RBFOX1: variants seen among roughly 807,000 people sequenced by gnomAD.
RBFOX1 encodes the protein RNA binding protein fox-1 homolog 1.
A neutral mutation model predicts 57.7 loss-of-function variants in RBFOX1; 8 were observed. The ratio of observed to expected loss-of-function variants is 0.14; its 90% CI spans 0.08 to 0.25. The LOEUF (loss-of-function observed/expected upper bound fraction) is 0.25. RBFOX1 is among the 10% of genes least tolerant of loss of function. RBFOX1 has a pLI of 1.00. For missense variants in RBFOX1, 611 were observed against 548.5 expected (o/e 1.11, Z -1.14); for synonymous variants, 326 against 222.4 (o/e 1.47, Z -4.15).
intron 1 of RBFOX1, among the ~76,000 whole-genome samples, chr16:5,353,171 C>T (rs901282428): frequency 6.6e-6 from 1 of 151,922 alleles, no homozygotes; most frequent in African/African-American, 2.4e-5. Context: ...GTTAGGAGTT[C>T]AAGATCAGCC....
At chr16:5,403,899 G>T (rs1596882553) in intron 1 of RBFOX1, among the ~76,000 whole-genome samples, 1 of 152,106 alleles carries the variant, frequency 6.6e-6, no homozygotes, top group Non-Finnish European at 1.5e-5. Flanking sequence ...AAGGGAAAGA[G>T]TAACTGGGTT....
At chr16:7,542,526 G>A (rs1394035630) in intron 5 of RBFOX1, among the ~76,000 whole-genome samples, 1 of 151,870 alleles carries the variant, frequency 6.6e-6, no homozygotes, top group Non-Finnish European at 1.5e-5. Context: ...GAAGGGCGAA[G>A]GAAGGGGAAA....
intron 1 of RBFOX1, among the ~76,000 whole-genome samples, chr16:5,463,586 G>A (rs62016426): frequency 0.024 from 3,635 of 152,150 alleles, 52 homozygotes; most frequent in Non-Finnish European, 0.038. Context: ...GATCACCTGA[G>A]GTCAGGAGTT....
intron 1 of RBFOX1, among the ~76,000 whole-genome samples, chr16:6,108,191 GTC>G (rs1459026905): frequency 1.3e-5 from 2 of 152,108 alleles, no homozygotes; most frequent in Non-Finnish European, 2.9e-5. Flanking sequence ...CAATATACAT[GTC>G]TCTGTTGTTT....
intron 9 of RBFOX1, among the ~76,000 whole-genome samples, chr16:7,600,397 G>A (rs1383473972): frequency 6.6e-6 from 1 of 152,144 alleles, no homozygotes; most frequent in Non-Finnish European, 1.5e-5. Context: ...CAACTCAGGA[G>A]TATCACCACT....
At chr16:6,855,170 G>C (rs1400763917) in intron 3 of RBFOX1, among the ~76,000 whole-genome samples, 5 of 152,036 alleles carry the variant, frequency 3.3e-5, no homozygotes, top group African/African-American at 1.2e-4. Flanking sequence ...ACGTGTTCTG[G>C]TGAGCATGAT....
At chr16:6,749,040 A>G (rs1381499158) in intron 3 of RBFOX1, 1 of 152,188 alleles carries the variant, frequency 6.6e-6, no homozygotes, top group East Asian at 1.9e-4. Flanking sequence ...TGACAGGAGG[A>G]GCCAATCTGG....
At chr16:5,941,939 T>C (rs557427222) in intron 4 of RBFOX1, among the ~76,000 whole-genome samples, 87 of 151,832 alleles carry the variant, frequency 5.7e-4, no homozygotes, top group Non-Finnish European at 1.0e-3. Flanking sequence ...CTATACTAGA[T>C]AACAACGACC....
At chr16:5,810,724 C>G (rs1355797193) in intron 3 of RBFOX1, among the ~76,000 whole-genome samples, 1 of 152,198 alleles carries the variant, frequency 6.6e-6, no homozygotes, top group East Asian at 1.9e-4. Context: ...CCATTTGGGA[C>G]TAAGACCTCA....
chr16:6,829,084 T>C lies in RBFOX1; in HGVS notation c.-16+174434T>C, dbSNP rs139996788. ...GCCGGGATCAGGGTCCCACCAGCATTTGGGGACCTCCCCAAGCCCACTAGT... is the reference window on the plus strand; with the variant it reads ...GCCGGGATCAGGGTCCCACCAGCATCTGGGGACCTCCCCAAGCCCACTAGT... On this transcript the variant is annotated intron_variant, in intron 3 of 15. Coordinates refer to ENST00000550418, the MANE Select transcript of RBFOX1 (RefSeq NM_018723.4). Among the ~76,000 whole-genome samples the C allele has an allele frequency of 2.6e-3, 403 of 152,232 alleles. 3 individuals carry two copies. Among genetic ancestry groups the C allele is most frequent in the African/African-American group, 9.3e-3 (385 of 41,530 alleles).
intron 3 of RBFOX1, among the ~76,000 whole-genome samples, chr16:7,018,298 G>A (rs865898707): frequency 5.9e-5 from 9 of 152,092 alleles, no homozygotes; most frequent in African/African-American, 2.2e-4. Flanking sequence ...TATTTTGGGC[G>A]AGATGTTTAG....
At chr16:6,364,813 G>C (rs1488937420) in intron 2 of RBFOX1, among the ~76,000 whole-genome samples, 1 of 152,192 alleles carries the variant, frequency 6.6e-6, no homozygotes, top group African/African-American at 2.4e-5. Context: ...CCTCTGCCTG[G>C]TTGGCTGACT....
At chr16:6,762,862 C>G (rs894662076) in intron 3 of RBFOX1, among the ~76,000 whole-genome samples, 1 of 152,150 alleles carries the variant, frequency 6.6e-6, no homozygotes, top group African/African-American at 2.4e-5. Context: ...GGAGGTACCT[C>G]TCCTTGCCTT....
At chr16:6,272,744 C>G (rs2075339841) in intron 1 of RBFOX1, among the ~76,000 whole-genome samples, 1 of 152,116 alleles carries the variant, frequency 6.6e-6, no homozygotes, top group South Asian at 2.1e-4. Context: ...CACATAGATC[C>G]ATTTTAAAAA....
intron 2 of RBFOX1, among the ~76,000 whole-genome samples, chr16:5,522,508 C>T (rs1238707634): frequency 1.3e-5 from 2 of 152,214 alleles, no homozygotes; most frequent in African/African-American, 4.8e-5. Flanking sequence ...CTAAGATACC[C>T]ATTACCTCAA....
Position 6,035,123 on chromosome 16 carries a change from C to T in RBFOX1, c.-127+15131C>T, listed in dbSNP as rs1307734382. The stretch of plus-strand genomic sequence containing the variant: ...ACCTGCTAGATGTTAGTAGCACCCC[C>T]TTCACCCATCCATGACAACCAAAGA... On this transcript the variant is annotated intron_variant, in intron 1 of 15. Transcript: ENST00000550418. Among the ~76,000 whole-genome samples, 3 of 152,186 alleles carry T rather than the reference C, an allele frequency of 2.0e-5. No homozygotes were observed. In the East Asian group the frequency reaches 5.8e-4, roughly 29 times the overall value.
At chr16:6,326,241 A>G (rs899124709) in intron 2 of RBFOX1, among the ~76,000 whole-genome samples, 7 of 152,204 alleles carry the variant, frequency 4.6e-5, no homozygotes, top group African/African-American at 1.4e-4. Flanking sequence ...ATAAATAGCT[A>G]TGGAAAAATT....
intron 4 of RBFOX1, among the ~76,000 whole-genome samples, chr16:7,415,796 A>G (rs1019801471): frequency 2.1e-5 from 3 of 144,750 alleles, no homozygotes; most frequent in African/African-American, 5.3e-5. Context: ...GTATATATAT[A>G]TCTTTCCAGG....
chr16:6,128,356 A>G (rs1225353758), intron 1 of RBFOX1, among the ~76,000 whole-genome samples: 3 of 152,200 alleles, frequency 2.0e-5, no homozygotes, highest in South Asian at 2.1e-4. Context: ...GTGTCCAGCC[A>G]TGATGCTACA....
Sources: gnomAD v4.1 joint callset for allele counts (sites outside exome capture counted in the v4.1 genomes callset) on GRCh38, gnomAD v4.1.1 for gene constraint, MANE v1.5 for transcripts, NCBI Gene and HGNC (gene_info 2026-07-23, HGNC 2026-07-21) for gene names.